The following BPIFB4 variants were observed in gnomAD, a reference collection of about 807,000 sequenced individuals.
BPIFB4 encodes the protein BPI fold-containing family B member 4.
In BPIFB4, 62 loss-of-function variants were observed where a neutral mutation model predicts 69.2. That is an observed-to-expected ratio of 0.90 (90% confidence interval 0.73 to 1.11). BPIFB4 has a LOEUF of 1.11. BPIFB4 is among the 50% of genes least tolerant of loss of function. The pLI, the probability that BPIFB4 is intolerant of heterozygous loss-of-function variation, is 0.00. For synonymous variants in BPIFB4, 330 were observed against 332.7 expected, an observed-to-expected ratio of 0.99 and a Z score of 0.09; for missense variants, 789 against 792.0, an observed-to-expected ratio of 1.00 and a Z score of 0.04.
intron 17 of BPIFB4, among the ~76,000 whole-genome samples, chr20:33,108,397 A>G (rs779882713): frequency 7.0e-6 from 1 of 142,306 alleles, no homozygotes; most frequent in Non-Finnish European, 1.5e-5. Flanking sequence ...AAGATTAAAA[A>G]AAAGTATGCA....
At position 33,090,726 on chromosome 20, in the gene BPIFB4, T is replaced by C; in HGVS notation, c.1070T>C (p.Ile357Thr). Residue 357 changes from isoleucine (I) to threonine (T), a missense_variant, in exon 10 of 18, where the codon ATA (isoleucine) becomes ACA (threonine). Around this residue, in one of 3 missense-constraint regions of BPIFB4, gnomAD observed 611 missense variants for 575.4 expected, o/e 1.06. Coordinates refer to ENST00000375483, the MANE Select transcript of BPIFB4 (RefSeq NM_182519.3). ...CCTGCAGCTCTGATTCCTCTGGGGA[T>C]ATTGGGAAGTGTCCAGTACACCTTC... is the stretch of plus-strand genomic sequence containing the variant. ...GLVDSLIPLG[I>T]LGSVQYTFSS... 6.2e-7 allele frequency: 1 copy of C among 1,614,132 alleles called. No individual in the cohort carries two copies. The highest frequency in any genetic ancestry group is 1.7e-5 in the Admixed American group (1 of 60,030).
At chr20:33,100,402 C>T in intron 13 of BPIFB4, 24 bp from the exon 14 acceptor site, 2 of 1,567,210 alleles carry the variant, frequency 1.3e-6, no homozygotes, top group South Asian at 2.2e-5. Context: ...GCAGTGACGT[C>T]TTTCTCCTTT....
chr20:33,090,109 C>A (rs2037623018), intron 9 of BPIFB4, among the ~76,000 whole-genome samples: 1 of 152,234 alleles, frequency 6.6e-6, no homozygotes, highest in Non-Finnish European at 1.5e-5. Flanking sequence ...ATTCCAGGGA[C>A]CTCCTTTCAC....
Position 33,083,591 on chromosome 20 carries a change from G to A in BPIFB4, c.394G>A (p.Gly132Ser), listed in dbSNP as rs1231021557. 2 of 1,614,050 alleles carry A rather than the reference G, an allele frequency of 1.2e-6. No individual in the cohort carries two copies. Among genetic ancestry groups the A allele is most frequent in the South Asian group, 2.2e-5 (2 of 91,072 alleles). ...TCGCAGTGCCGAGAATGCATATGGAGGCCACAGGGGCCTCGGGCGATACAG... is the reference window on the plus strand; with the variant it reads ...TCGCAGTGCCGAGAATGCATATGGAAGCCACAGGGGCCTCGGGCGATACAG... The part of the protein sequence containing the change: ...GYRSAENAYG[G>S]HRGLGRYRAA... The change falls in exon 5 of 18, where the codon GGC becomes AGC. Residue 132 changes from glycine to serine, a missense_variant. Gly to Ser is a moderately conservative substitution (Grantham distance 56). Coordinates refer to ENST00000375483, the MANE Select transcript of BPIFB4 (RefSeq NM_182519.3).
chr20:33,083,069 G>T, intron 4 of BPIFB4, 69 bp downstream of exon 4: 1 of 1,457,596 alleles, frequency 6.9e-7, no homozygotes, highest in South Asian at 1.1e-5. Context: ...AAGTGGAGGT[G>T]GTGGGGGAGG....
At chr20:33,108,463 C>A (rs1168137745) in intron 17 of BPIFB4, among the ~76,000 whole-genome samples, 1 of 93,868 alleles carries the variant, frequency 1.1e-5, no homozygotes, top group South Asian at 3.1e-4. Context: ...CAGCAATTCC[C>A]CCTGAGAACA....
At chr20:33,085,121 A>T in intron 6 of BPIFB4, 125 bp downstream of exon 6, 15 of 1,472,292 alleles carry the variant, frequency 1.0e-5, no homozygotes, top group South Asian at 1.4e-5. Context: ...ACCAGAGGCC[A>T]TCTGTCAGCG....
intron 17 of BPIFB4, among the ~76,000 whole-genome samples, chr20:33,109,662 A>C (rs1982180623): frequency 6.6e-6 from 1 of 152,202 alleles, no homozygotes; most frequent in South Asian, 2.1e-4. Flanking sequence ...ATATTATTTT[A>C]TTATAAATGA....
intron 12 of BPIFB4, among the ~76,000 whole-genome samples, chr20:33,095,952 G>T (rs914617569): frequency 3.3e-5 from 5 of 152,118 alleles, no homozygotes; most frequent in African/African-American, 1.2e-4. Context: ...GAAGCAAAGG[G>T]CTCTGTACCT....
chr20:33,086,604 A>G (rs75580825), intron 7 of BPIFB4, among the ~76,000 whole-genome samples: 3,999 of 152,234 alleles, frequency 0.026, 74 homozygotes, highest in African/African-American at 0.055. Context: ...GAATTGAGAT[A>G]AGGAATGGAA....
Position 33,083,013 on chromosome 20 carries a change from G to A in BPIFB4, c.169+13G>A. Reference sequence around the variant, plus strand: ...GAGGTGCCCTTGGGTAAAGCCCGTGGTGATGGTGGTGGGCCTCTCCTGGGC... The same window carrying A: ...GAGGTGCCCTTGGGTAAAGCCCGTGATGATGGTGGTGGGCCTCTCCTGGGC... On this transcript the variant is annotated intron_variant, in intron 4 of 17. Transcript: ENST00000375483. 3 of 1,604,676 alleles carry A rather than the reference G, an allele frequency of 1.9e-6. No individual in the cohort carries two copies. Among genetic ancestry groups the A allele is most frequent in the South Asian group, 2.2e-5 (2 of 90,790 alleles).
chr20:33,083,000 G>A lies in BPIFB4; in HGVS notation c.169G>A (p.Gly57Ser). ...CTCGGCCCTGAGAGAGGTGCCCTTG[G>A]GTAAAGCCCGTGGTGATGGTGGTGG... Reference protein sequence around the residue: ...LHSALREVPLGVGDIPYNDFH... With the variant: ...LHSALREVPLSVGDIPYNDFH... Residue 57 changes from glycine (G) to serine (S), a missense_variant and splice_region_variant, in exon 4 of 18, where the codon GGT becomes AGT. Physicochemically the swap from Gly to Ser is moderately conservative, Grantham distance 56 (BLOSUM62 0). Coordinates refer to ENST00000375483, the MANE Select transcript of BPIFB4 (RefSeq NM_182519.3). The A allele has an allele frequency of 6.2e-7, 1 of 1,610,698 alleles. No homozygotes were observed.
At chr20:33,081,737 G>A (rs935614228) in intron 3 of BPIFB4, 105 bp downstream of exon 3, 31 of 1,481,790 alleles carry the variant, frequency 2.1e-5, no homozygotes, top group East Asian at 1.3e-4. Context: ...AGTTCACATC[G>A]GGAGGCTGGG....
chr20:33,109,349 A>G (rs1982170937), intron 17 of BPIFB4, among the ~76,000 whole-genome samples: 1 of 152,176 alleles, frequency 6.6e-6, no homozygotes, highest in African/African-American at 2.4e-5. Flanking sequence ...TGCCCCATAC[A>G]TAGTCTTTCA....
At chr20:33,080,436 C>CCAATCT (rs997779265) in intron 1 of BPIFB4, 33 bp from the exon 2 acceptor site, 4 of 152,196 alleles carry the variant, frequency 2.6e-5, no homozygotes, top group African/African-American at 9.7e-5. Context: ...TTTCACCTCC[C>CCAATCT]CAATCTCATA....
intron 15 of BPIFB4, among the ~76,000 whole-genome samples, chr20:33,103,670 A>C (rs1033593298): frequency 1.4e-5 from 2 of 143,156 alleles, no homozygotes; most frequent in Non-Finnish European, 3.0e-5. Context: ...AGCATCTGCT[A>C]GCTTTCTGGG....
At chr20:33,089,457 C>T in intron 8 of BPIFB4, 41 bp from the exon 9 acceptor site, 1 of 1,614,162 alleles carries the variant, frequency 6.2e-7, no homozygotes, top group Non-Finnish European at 8.5e-7. Context: ...CTCCTACTCC[C>T]TGCAGCGTCA....
Position 33,104,816 on chromosome 20 carries a change from C to T in BPIFB4, c.1687C>T (p.Leu563Phe), listed in dbSNP as rs116725367. Residue 563 changes from leucine (L) to phenylalanine (F), a missense_variant, in exon 16 of 18, where the codon CTC becomes TTC. By Grantham distance (22) the Leu-to-Phe change is conservative. Coordinates refer to ENST00000375483, the MANE Select transcript of BPIFB4 (RefSeq NM_182519.3). ...TSNVGNFDIG[L>F]MEVLVEKIFD... ...CCTCCTTCTTCCTCTGCAGATTGGC[C>T]TCATGGAGGTGCTGGTGGAGAAGAT... 3.5e-5 allele frequency: 57 copies of T among 1,614,112 alleles called. No homozygotes were observed. In the African/African-American group the frequency reaches 6.0e-4, roughly 17 times the overall value.
At chr20:33,103,060 G>A (rs1981951216) in intron 15 of BPIFB4, 46 bp downstream of exon 15, 1 of 1,587,294 alleles carries the variant, frequency 6.3e-7, no homozygotes, top group Non-Finnish European at 8.7e-7. Flanking sequence ...CTGGGAAGGA[G>A]CCCAGGACGT....
Sources: allele counts gnomAD v4.1 joint callset (sites outside exome capture counted in the v4.1 genomes callset), GRCh38; gene constraint gnomAD v4.1.1; regional missense constraint gnomAD v4.1.1; transcripts MANE v1.5; gene names NCBI Gene and HGNC (gene_info 2026-07-23, HGNC 2026-07-21).